NUP62CL: variants seen among roughly 807,000 people sequenced by gnomAD.
NUP62CL encodes the protein nucleoporin 62 C-terminal like.
A neutral mutation model predicts 15.3 loss-of-function variants in NUP62CL; 13 were observed. The observed-to-expected ratio is 0.85, with a 90% CI of 0.55 to 1.35. NUP62CL has a LOEUF of 1.35. Ranked by LOEUF, NUP62CL falls within the 40% of genes most tolerant of loss-of-function variation. NUP62CL has a pLI of 0.00. For missense variants in NUP62CL, 123 were observed against 130.6 expected (o/e 0.94, Z 0.28); for synonymous variants, 54 against 49.2 (o/e 1.10, Z -0.41).
chrX:107,156,085 G>A (rs1482644915), intron 4 of NUP62CL, among the ~76,000 whole-genome samples: 1 of 110,208 alleles, frequency 9.1e-6, no homozygotes, highest in East Asian at 2.9e-4. Context: ...CTTAAAAAAC[G>A]GCGCACGACG....
intron 7 of NUP62CL, among the ~76,000 whole-genome samples, chrX:107,152,479 A>G (rs1926068995): frequency 9.0e-6 from 1 of 110,767 alleles, no homozygotes; most frequent in African/African-American, 3.3e-5. Context: ...CTTAACTCAT[A>G]ATAAGTCATT....
In NUP62CL at chrX:107,153,129, C is replaced by T. The variant is rs376831639; in HGVS notation, c.530+43G>A. 7 of 1,143,317 alleles carry T rather than the reference C, an allele frequency of 6.1e-6. No individual in the cohort carries two copies. The Admixed American group carries it at 8.0e-5, about 13-fold the overall frequency. 94.2% of individuals were successfully genotyped at this position (1,143,317 alleles called of 1,213,427 possible). On this transcript the variant is annotated intron_variant, in intron 7 of 8. Transcript: ENST00000372466. ...CTGTTCCTGGAATGCTCTCAGAATA[C>T]GTAAGTCCTGCCCCATTCTTCAATC...
intron 4 of NUP62CL, among the ~76,000 whole-genome samples, chrX:107,160,849 A>C: frequency 9.1e-6 from 1 of 110,404 alleles, no homozygotes; most frequent in Non-Finnish European, 1.9e-5. Context: ...CAGGCAACCT[A>C]CAACATGGGA....
At chrX:107,195,355 G>T (rs970265887) in intron 1 of NUP62CL, among the ~76,000 whole-genome samples, 1 of 111,222 alleles carries the variant, frequency 9.0e-6, no homozygotes, top group African/African-American at 3.3e-5. Flanking sequence ...AGTTAAAGGT[G>T]ATCCTCCATT....
chrX:107,156,721 G>A (rs1193391896), intron 4 of NUP62CL, among the ~76,000 whole-genome samples: 4 of 97,277 alleles, frequency 4.1e-5, no homozygotes, highest in African/African-American at 1.6e-4. Flanking sequence ...AACGCAGAGC[G>A]CCTCTCCTCC....
At chrX:107,203,246 CTTT>C (rs200961978) in intron 1 of NUP62CL, among the ~76,000 whole-genome samples, 1 of 97,400 alleles carries the variant, frequency 1.0e-5, no homozygotes. Context: ...TCTCCCTTTA[CTTT>C]TTTTTTTTTT....
intron 8 of NUP62CL, among the ~76,000 whole-genome samples, chrX:107,129,254 A>T (rs905114269): frequency 3.6e-5 from 4 of 111,721 alleles, no homozygotes; most frequent in Non-Finnish European, 5.6e-5. Flanking sequence ...AGTGATATTG[A>T]AAGTGGAGCT....
chrX:107,126,254 T>C (rs1433029394), intron 8 of NUP62CL, among the ~76,000 whole-genome samples: 1 of 112,184 alleles, frequency 8.9e-6, no homozygotes, highest in Admixed American at 9.4e-5. Flanking sequence ...TAAGTGGAGA[T>C]ATATTCCATG....
At chrX:107,187,789 GAA>G (rs1445685882) in intron 2 of NUP62CL, among the ~76,000 whole-genome samples, 1 of 112,429 alleles carries the variant, frequency 8.9e-6, no homozygotes, top group East Asian at 2.8e-4. Flanking sequence ...TATTAGGAAT[GAA>G]AACAGGGGAT....
intron 2 of NUP62CL, among the ~76,000 whole-genome samples, chrX:107,185,973 TAGAC>T (rs1411487776): frequency 1.8e-5 from 2 of 111,536 alleles, no homozygotes; most frequent in African/African-American, 6.5e-5. Flanking sequence ...AAAATTACCA[TAGAC>T]AGAGGAGGAT....
chrX:107,170,633 TG>T (rs1926627325), intron 3 of NUP62CL, among the ~76,000 whole-genome samples: 1 of 110,873 alleles, frequency 9.0e-6, no homozygotes, highest in Non-Finnish European at 1.9e-5. Flanking sequence ...AGGATGGTCT[TG>T]ATCTCCTGAC....
chrX:107,159,622 G>C (rs1184838531), intron 4 of NUP62CL, among the ~76,000 whole-genome samples: 9 of 44,135 alleles, frequency 2.0e-4, no homozygotes, highest in Non-Finnish European at 3.1e-4. Flanking sequence ...GTATTGATGG[G>C]ACGTATTTCA....
At chrX:107,153,528 C>T in intron 5 of NUP62CL, 25 bp from the exon 6 acceptor site, 1 of 924,971 alleles carries the variant, frequency 1.1e-6, no homozygotes, top group Non-Finnish European at 1.5e-6. Context: ...ATGAATACAA[C>T]AATATAAGTA....
intron 1 of NUP62CL, chrX:107,202,444 GA>G (rs969770121): frequency 1.0e-4 from 11 of 110,177 alleles, no homozygotes; most frequent in East Asian, 5.7e-4. Context: ...TATAATCTTC[GA>G]AAAAAATATT....
chrX:107,168,169 T>A (rs1359467069), intron 3 of NUP62CL, among the ~76,000 whole-genome samples: 5 of 112,017 alleles, frequency 4.5e-5, no homozygotes, highest in Admixed American at 1.9e-4. Flanking sequence ...TACATCTATA[T>A]CTTTGCATAT....
intron 8 of NUP62CL, among the ~76,000 whole-genome samples, chrX:107,135,914 T>C (rs1299040139): frequency 3.6e-5 from 4 of 111,177 alleles, no homozygotes; most frequent in Non-Finnish European, 5.7e-5. Flanking sequence ...AGGATGTGAA[T>C]CATCCCTTTG....
rs944579997 is a variant in NUP62CL at position 107,147,649 on chromosome X, T to G, written c.*42+94A>C. 5.4e-6 allele frequency: 3 copies of G among 552,332 alleles called. No individual in the cohort carries two copies. The African/African-American group carries it at 6.8e-5, about 12-fold the overall frequency. 45.5% of individuals were successfully genotyped at this position (552,332 alleles called of 1,213,427 possible). On this transcript the variant is annotated intron_variant, in intron 8 of 8. Transcript: ENST00000372466. Reference sequence around the variant, plus strand: ...GTTAAGCAACACCCATACAACAGCTTTTATATGAGTTTGGTCATGGAGCAT... The same window carrying G: ...GTTAAGCAACACCCATACAACAGCTGTTATATGAGTTTGGTCATGGAGCAT...
In NUP62CL at chrX:107,199,380, G is replaced by C. The variant is rs1927429826; in HGVS notation, c.-91-6308C>G. Among the ~76,000 whole-genome samples, 5 of 111,902 alleles carry C rather than the reference G, an allele frequency of 4.5e-5. No homozygotes were observed. In the South Asian group the frequency reaches 1.5e-3, roughly 34 times the overall value. ...GTGTCAAAAGGCAGAAACAAAATCA[G>C]TTCAAGCCTGGGTACCTATCATAAG... On this transcript the variant is annotated intron_variant, in intron 1 of 8. Transcript: ENST00000372466.
intron 3 of NUP62CL, among the ~76,000 whole-genome samples, chrX:107,174,523 C>G (rs1184138038): frequency 9.0e-6 from 1 of 111,184 alleles, no homozygotes; most frequent in Non-Finnish European, 1.9e-5. Context: ...GTTGGGGTTA[C>G]GAGATAATGT....
Sources: gnomAD v4.1 joint callset for allele counts (sites outside exome capture counted in the v4.1 genomes callset) on GRCh38, gnomAD v4.1.1 for gene constraint, MANE v1.5 for transcripts, NCBI Gene and HGNC (gene_info 2026-07-23, HGNC 2026-07-21) for gene names.